The following TAB1 variants were observed in gnomAD, a reference collection of about 807,000 sequenced individuals.
TAB1 encodes TGF-beta-activated kinase 1 and MAP3K7-binding protein 1.
A neutral mutation model predicts 54.5 loss-of-function variants in TAB1; 30 were observed. The observed-to-expected ratio is 0.55, with a 90% CI of 0.41 to 0.75. The LOEUF is 0.75. Among genes scored for constraint, TAB1 ranks in the 30% least tolerant of loss-of-function variants. The pLI is 0.00. For missense variants in TAB1, 609 were observed against 683.2 expected, an observed-to-expected ratio of 0.89 and a Z score of 1.21; for synonymous variants, 289 against 286.9, an observed-to-expected ratio of 1.01 and a Z score of -0.07.
chr22:39,411,016 C>T (rs1449669027), intron 1 of TAB1, among the ~76,000 whole-genome samples: 2 of 151,778 alleles, frequency 1.3e-5, no homozygotes, highest in East Asian at 1.9e-4. Flanking sequence ...ATCACAGGAA[C>T]AGAATAGAGT....
downstream of TAB1, chr22:39,433,001 C>G: frequency 1.0e-6 from 1 of 985,442 alleles, no homozygotes; most frequent in Non-Finnish European, 1.2e-6. Context: ...GTCACTGCCA[C>G]CGTCCACGTC....
chr22:39,427,562 T>G (rs567593834), intron 9 of TAB1, among the ~76,000 whole-genome samples: 1 of 152,272 alleles, frequency 6.6e-6, no homozygotes, highest in African/African-American at 2.4e-5. Flanking sequence ...CATTTCTTTT[T>G]CTTTGCTTTA....
intron 5 of TAB1, among the ~76,000 whole-genome samples, chr22:39,418,505 G>C (rs970544770): frequency 1.3e-5 from 2 of 152,156 alleles, no homozygotes; most frequent in Non-Finnish European, 2.9e-5. Context: ...GAAGAGGTCT[G>C]TTTTATTAAG....
intron 10 of TAB1, chr22:39,428,981 C>A: frequency 1.2e-6 from 1 of 829,268 alleles, no homozygotes; most frequent in Non-Finnish European, 1.5e-6. Context: ...ATCCTGAGTG[C>A]AGTAGGGGTG....
intron 5 of TAB1, 65 bp from the exon 6 acceptor site, chr22:39,418,667 C>G: frequency 8.0e-7 from 1 of 1,253,130 alleles, no homozygotes; most frequent in Non-Finnish European, 1.2e-6. Context: ...CCCTCTCTGC[C>G]TTCCCGGTAT....
intron 8 of TAB1, among the ~76,000 whole-genome samples, chr22:39,423,745 C>A (rs1268118495): frequency 6.6e-6 from 1 of 151,158 alleles, no homozygotes; most frequent in East Asian, 2.1e-4. Flanking sequence ...TCTTAGTAAA[C>A]CAGTTATTCC....
At chr22:39,428,236 C>G in intron 10 of TAB1, 53 bp downstream of exon 10, 1 of 1,291,394 alleles carries the variant, frequency 7.7e-7, no homozygotes, top group Non-Finnish European at 1.1e-6. Context: ...CCGTGTGTGT[C>G]CTGTGGCACC....
At chr22:39,416,769 G>A in intron 3 of TAB1, 22 bp from the exon 4 acceptor site, 1 of 1,612,756 alleles carries the variant, frequency 6.2e-7, no homozygotes. Flanking sequence ...ACCAGCCTTT[G>A]CCCTGTCCTG....
At chr22:39,399,860 G>T (rs1404934662) in intron 1 of TAB1, 25 bp downstream of exon 1, 3 of 1,586,694 alleles carry the variant, frequency 1.9e-6, no homozygotes, top group Non-Finnish European at 2.6e-6. Flanking sequence ...CGCTCTCTGG[G>T]CTTGGGGTTG....
At chr22:39,403,651 T>C (rs1926240700) in intron 1 of TAB1, among the ~76,000 whole-genome samples, 1 of 151,280 alleles carries the variant, frequency 6.6e-6, no homozygotes, top group African/African-American at 2.4e-5. Flanking sequence ...TTTTTTTTTT[T>C]TTTTTGAGAC....
chr22:39,408,242 A>G, intron 1 of TAB1, among the ~76,000 whole-genome samples: 1 of 152,248 alleles, frequency 6.6e-6, no homozygotes, highest in East Asian at 1.9e-4. Context: ...TGAACAAGGC[A>G]CGTGCTCAGT....
intron 1 of TAB1, among the ~76,000 whole-genome samples, chr22:39,402,976 C>A (rs147506709): frequency 6.6e-6 from 1 of 152,204 alleles, no homozygotes; most frequent in Non-Finnish European, 1.5e-5. Context: ...CTTAGTTTCT[C>A]CAAACCAAGA....
intron 1 of TAB1, among the ~76,000 whole-genome samples, chr22:39,401,217 G>A (rs1926130592): frequency 6.6e-6 from 1 of 152,214 alleles, no homozygotes; most frequent in South Asian, 2.1e-4. Flanking sequence ...TCACAGAGGT[G>A]AGTAGACATT....
At chr22:39,400,882 A>G (rs1601679138) in intron 1 of TAB1, among the ~76,000 whole-genome samples, 1 of 152,100 alleles carries the variant, frequency 6.6e-6, no homozygotes, top group Admixed American at 6.5e-5. Context: ...AAAAATACAA[A>G]AATTAGCCGA....
At chr22:39,424,438 CTTTTTT>C (rs762665225) in intron 8 of TAB1, among the ~76,000 whole-genome samples, 5 of 89,462 alleles carry the variant, frequency 5.6e-5, no homozygotes, top group South Asian at 3.9e-4. Flanking sequence ...GTTCTGATTT[CTTTTTT>C]TTTTTTTTTT....
intron 7 of TAB1, 62 bp from the exon 8 acceptor site, chr22:39,421,765 G>A: frequency 5.1e-6 from 8 of 1,581,344 alleles, no homozygotes; most frequent in Non-Finnish European, 6.1e-6. Context: ...CCCCTCAGCA[G>A]AATCAGCATC....
chr22:39,412,583 G>A (rs1926654651), intron 1 of TAB1, among the ~76,000 whole-genome samples: 1 of 152,032 alleles, frequency 6.6e-6, no homozygotes, highest in Non-Finnish European at 1.5e-5. Flanking sequence ...GGTGCAAAAT[G>A]TAGAGCTGAA....
At chr22:39,418,964 C>A in intron 6 of TAB1, 119 bp downstream of exon 6, 1 of 788,370 alleles carries the variant, frequency 1.3e-6, no homozygotes, top group East Asian at 2.7e-5. Context: ...CCCCAGCCAG[C>A]CTGCCTGGGG....
At chr22:39,425,625 G>A (rs2145680372) in intron 8 of TAB1, among the ~76,000 whole-genome samples, 1 of 151,702 alleles carries the variant, frequency 6.6e-6, no homozygotes, top group Admixed American at 6.6e-5. Context: ...CTCGATCTGG[G>A]CTTACTGATC....
Sources: allele counts gnomAD v4.1 joint callset (sites outside exome capture counted in the v4.1 genomes callset), GRCh38; gene constraint gnomAD v4.1.1; transcripts MANE v1.5; gene names NCBI Gene and HGNC (gene_info 2026-07-23, HGNC 2026-07-21).